Variants in RIMS2 observed in about 807,000 individuals in gnomAD.
RIMS2 encodes regulating synaptic membrane exocytosis 2.
Under a neutral mutation model 174.4 loss-of-function variants are expected in RIMS2, and 59 were observed. The observed-to-expected ratio is 0.34, with a 90% CI of 0.27 to 0.42. The LOEUF (loss-of-function observed/expected upper bound fraction) is 0.42, where lower values mean the gene tolerates loss of function less well. Ranked by LOEUF, RIMS2 falls within the 10% of genes least tolerant of loss-of-function variation. The pLI is 1.00. For missense variants in RIMS2, 1,620 were observed against 1,666.3 expected (o/e 0.97, Z 0.48); for synonymous variants, 606 against 572.5 (o/e 1.06, Z -0.84).
In RIMS2 at chr8:104,015,309, A is replaced by G. The variant is rs187849038; in HGVS notation, c.3334+694A>G. 9.5e-5 allele frequency: 51 copies of G among 536,074 alleles called. 1 individual carries two copies. Among genetic ancestry groups the G allele is most frequent in the Admixed American group, 4.5e-4 (13 of 28,834 alleles). 33.2% of individuals were successfully genotyped at this position (536,074 alleles called of 1,614,324 possible). A position where few individuals can be genotyped will look rare whatever the true frequency, so the allele number is the denominator to read the frequency against. The stretch of plus-strand genomic sequence containing the variant: ...TTAAATCATTTAACTTTTCTCTAGT[A>G]GATAATACATTCTGTGCTTTTGGAA... On this transcript the variant is annotated intron_variant, in intron 19 of 23. Coordinates refer to ENST00000504942, the Ensembl canonical transcript of RIMS2.
intron 14 of RIMS2, among the ~76,000 whole-genome samples, chr8:103,946,720 C>T (rs7828672): frequency 0.024 from 3,645 of 152,184 alleles, 169 homozygotes; most frequent in African/African-American, 0.083. Flanking sequence ...AACCCAATTC[C>T]TATCAAAATC....
At chr8:103,874,317 C>A (rs1032619326) in intron 3 of RIMS2, among the ~76,000 whole-genome samples, 2 of 151,998 alleles carry the variant, frequency 1.3e-5, no homozygotes, top group African/African-American at 4.8e-5. Context: ...CTGATTAGCT[C>A]TGCTAATCAT....
At chr8:103,838,755 C>G (rs779335671) in intron 3 of RIMS2, among the ~76,000 whole-genome samples, 2 of 152,098 alleles carry the variant, frequency 1.3e-5, no homozygotes, top group Non-Finnish European at 2.9e-5. Flanking sequence ...GCGTGTTTCA[C>G]TTCAGAATTG....
chr8:103,946,734 G>A (rs984441799), intron 14 of RIMS2, among the ~76,000 whole-genome samples: 6 of 152,120 alleles, frequency 3.9e-5, no homozygotes, highest in Non-Finnish European at 8.8e-5. Context: ...CAAAATCTAA[G>A]CAGGATATTT....
chr8:104,167,302 T>G (rs117634970), intron 19 of RIMS2, among the ~76,000 whole-genome samples: 4,428 of 152,220 alleles, frequency 0.029, 102 homozygotes, highest in Admixed American at 0.041. Context: ...TTCCAGGAAT[T>G]TACCCATCTC....
chr8:103,923,512 T>C (rs1426503094), intron 10 of RIMS2, among the ~76,000 whole-genome samples: 1 of 151,930 alleles, frequency 6.6e-6, no homozygotes, highest in African/African-American at 2.4e-5. Context: ...TGGTAAAAGG[T>C]ACATCTGTTA....
rs72683142 is a variant in RIMS2, at chr8:104,012,910, G to T, written c.3045-532G>T. Among the ~76,000 whole-genome samples the T allele has an allele frequency of 2.5e-3, 388 of 152,214 alleles. 1 individual carries two copies. Among genetic ancestry groups the T allele is most frequent in the Non-Finnish European group, 4.0e-3 (272 of 68,002 alleles). ...ACAGAGTGATTTTTCTTGTGGATCA[G>T]GTTTAAATATGGCTACAGACTTCAC... On this transcript the variant is annotated intron_variant, in intron 17 of 23. Coordinates refer to ENST00000504942, the Ensembl canonical transcript of RIMS2.
chr8:104,101,275 T>C lies in RIMS2; in HGVS notation c.3334+86660T>C, dbSNP rs2131067288. ...CCAAGTAGCTGAGATTACAGGCATG[T>C]GCCACCATGCCCAGCCAATTTTTAT... On this transcript the variant is annotated intron_variant, in intron 19 of 23. Coordinates refer to ENST00000504942, the Ensembl canonical transcript of RIMS2. Among the ~76,000 whole-genome samples, 4 of 151,606 alleles carry C rather than the reference T, an allele frequency of 2.6e-5. No homozygotes were observed. In the Middle Eastern group the frequency reaches 0.01, roughly 389 times the overall value.
intron 4 of RIMS2, among the ~76,000 whole-genome samples, chr8:103,890,692 G>A (rs1347310377): frequency 1.3e-5 from 2 of 151,742 alleles, no homozygotes; most frequent in African/African-American, 4.8e-5. Context: ...TTTTTTGTGT[G>A]TTTGTTTTTT....
intron 8 of RIMS2, among the ~76,000 whole-genome samples, chr8:103,916,929 G>T (rs527758505): frequency 6.6e-5 from 10 of 152,114 alleles, no homozygotes; most frequent in Non-Finnish European, 1.5e-4. Flanking sequence ...CTACATAGAG[G>T]TAATAGTTTA....
At chr8:104,165,128 T>A (rs2098789180) in intron 19 of RIMS2, among the ~76,000 whole-genome samples, 1 of 152,216 alleles carries the variant, frequency 6.6e-6, no homozygotes. Context: ...CAGTGCACAA[T>A]TTTAAAGCAA....
chr8:103,838,513 C>A (rs2154484850), intron 3 of RIMS2, among the ~76,000 whole-genome samples: 1 of 152,232 alleles, frequency 6.6e-6, no homozygotes, highest in East Asian at 1.9e-4. Flanking sequence ...TTGGTTTCAA[C>A]AAGGCTAAAC....
chr8:103,787,917 G>A (rs1182785072), intron 3 of RIMS2, among the ~76,000 whole-genome samples: 18 of 152,116 alleles, frequency 1.2e-4, no homozygotes, highest in African/African-American at 3.1e-4. Flanking sequence ...CCAATCAGAC[G>A]TAGATTTGGT....
intron 10 of RIMS2, among the ~76,000 whole-genome samples, chr8:103,924,396 T>G (rs1182193064): frequency 6.6e-6 from 1 of 151,730 alleles, no homozygotes; most frequent in African/African-American, 2.4e-5. Flanking sequence ...AGATGCTATC[T>G]TGTATATAAT....
At chr8:103,911,129 A>C (rs2075592876) in intron 5 of RIMS2, among the ~76,000 whole-genome samples, 1 of 152,118 alleles carries the variant, frequency 6.6e-6, no homozygotes, top group Non-Finnish European at 1.5e-5. Context: ...ATCTTTTTAC[A>C]ATATAGATGT....
intron 3 of RIMS2, among the ~76,000 whole-genome samples, chr8:103,794,678 T>G (rs2098535189): frequency 6.6e-6 from 1 of 152,176 alleles, no homozygotes; most frequent in Non-Finnish European, 1.5e-5. Flanking sequence ...TTTTATAATC[T>G]ACCCTTCTGA....
intron 1 of RIMS2, among the ~76,000 whole-genome samples, chr8:103,633,675 T>G (rs1225562889): frequency 6.6e-6 from 1 of 152,152 alleles, no homozygotes; most frequent in African/African-American, 2.4e-5. Context: ...CATTTTTTGA[T>G]TTTCAGGCTA....
chr8:103,706,143 C>A (rs1393703777), intron 2 of RIMS2, among the ~76,000 whole-genome samples: 1 of 151,912 alleles, frequency 6.6e-6, no homozygotes, highest in Non-Finnish European at 1.5e-5. Context: ...TTATTTTAAA[C>A]TGATGACAAC....
intron 19 of RIMS2, among the ~76,000 whole-genome samples, chr8:104,211,737 C>G (rs1385679633): frequency 2.0e-5 from 3 of 152,158 alleles, no homozygotes; most frequent in Non-Finnish European, 4.4e-5. Context: ...TGGTCTCAAA[C>G]ACCTGACCTC....
Sources: gnomAD v4.1 joint callset for allele counts (sites outside exome capture counted in the v4.1 genomes callset) on GRCh38, gnomAD v4.1.1 for gene constraint, MANE v1.5 for transcripts, NCBI Gene and HGNC (gene_info 2026-07-23, HGNC 2026-07-21) for gene names.